Variants in MRO observed in about 807,000 individuals in gnomAD.
The protein encoded by MRO is protein maestro.
MRO carries 28 observed loss-of-function variants against 31.0 expected under a neutral mutation model. The ratio of observed to expected loss-of-function variants is 0.90; its 90% CI spans 0.67 to 1.24. MRO has a LOEUF of 1.24. MRO is among the 50% of genes most tolerant of loss of function. MRO has a pLI of 0.00. For missense variants in MRO, 332 were observed against 289.2 expected (o/e 1.15, Z -1.07); for synonymous variants, 108 against 108.4 (o/e 1.00, Z 0.02).
chr18:50,806,531 G>A (rs545782877), intron 4 of MRO, among the ~76,000 whole-genome samples, 173 bp downstream of exon 4: 7 of 152,258 alleles, frequency 4.6e-5, no homozygotes, highest in South Asian at 2.1e-4. Flanking sequence ...CCTGACCCGC[G>A]AAAACCCGAG....
At chr18:50,805,880 GA>G (rs1568128750) in intron 4 of MRO, among the ~76,000 whole-genome samples, 1 of 152,030 alleles carries the variant, frequency 6.6e-6, no homozygotes, top group Non-Finnish European at 1.5e-5. Context: ...CACCCTGAAT[GA>G]GTCTCCTCCC....
At chr18:50,815,131 G>T in intron 2 of MRO, 1 of 220,352 alleles carries the variant, frequency 4.5e-6, no homozygotes, top group South Asian at 7.5e-5. Context: ...ATTTGCTCTT[G>T]TAACTTTTGA....
intron 2 of MRO, among the ~76,000 whole-genome samples, chr18:50,810,685 C>T (rs1914401807): frequency 1.3e-5 from 2 of 152,142 alleles, no homozygotes; most frequent in Admixed American, 6.5e-5. Context: ...TTGGGTCCAA[C>T]TAGTACAAAC....
chr18:50,821,060 A>G (rs1218275183), upstream of MRO, among the ~76,000 whole-genome samples: 1 of 152,232 alleles, frequency 6.6e-6, no homozygotes, highest in Non-Finnish European at 1.5e-5. Flanking sequence ...CTATGAGGAA[A>G]GAGGAAATTG....
chr18:50,800,752 G>A (rs770219772), intron 6 of MRO, among the ~76,000 whole-genome samples: 1 of 151,968 alleles, frequency 6.6e-6, no homozygotes, highest in African/African-American at 2.4e-5. Flanking sequence ...AGGGCGTGGT[G>A]GTGGGCACCT....
At chr18:50,808,457 CT>C (rs56936277) in intron 3 of MRO, among the ~76,000 whole-genome samples, 53 of 142,652 alleles carry the variant, frequency 3.7e-4, no homozygotes, top group South Asian at 6.8e-4. Context: ...TTTATCTTAT[CT>C]TTTTTTTTTT....
intron 5 of MRO, among the ~76,000 whole-genome samples, chr18:50,801,934 A>G (rs535417429): frequency 3.3e-5 from 5 of 152,282 alleles, no homozygotes; most frequent in South Asian, 4.1e-4. Context: ...TTTCCTCCCC[A>G]CAAGCTAATA....
Position 50,806,802 on chromosome 18 carries a change from A to C in MRO, c.148T>G (p.Phe50Val). Reference protein sequence around the residue: ...FQKREPLKNVFFILAERARDP... With the variant: ...FQKREPLKNVVFILAERARDP... ...CGAGCTCTTTCTGCCAAGATGAAAA[A>C]CACATTCTTCAGAGGCTCCCGCTTC... Residue 50 changes from phenylalanine (F) to valine (V), a missense_variant, in exon 4 of 8, where the codon TTT (phenylalanine) becomes GTT (valine). Transcript: ENST00000398439. The C allele has an allele frequency of 6.2e-7, 1 of 1,614,070 alleles. No homozygotes were observed. The highest frequency in any genetic ancestry group is 8.5e-7 in the Non-Finnish European group (1 of 1,180,018).
intron 3 of MRO, among the ~76,000 whole-genome samples, chr18:50,808,107 A>G (rs1914117665): frequency 6.6e-6 from 1 of 152,046 alleles, no homozygotes; most frequent in Non-Finnish European, 1.5e-5. Context: ...AAACAAACAA[A>G]CACAAACACC....
chr18:50,812,474 T>G (rs1268195015), intron 2 of MRO, among the ~76,000 whole-genome samples: 1 of 152,224 alleles, frequency 6.6e-6, no homozygotes, highest in African/African-American at 2.4e-5. Context: ...CTTTTCACTT[T>G]CTGGATAACG....
intron 2 of MRO, chr18:50,815,143 G>T: frequency 4.6e-6 from 1 of 215,088 alleles, no homozygotes; most frequent in South Asian, 8.0e-5. Flanking sequence ...AACTTTTGAT[G>T]ATCATGAAAC....
At chr18:50,804,877 C>T (rs1913753472) in intron 5 of MRO, among the ~76,000 whole-genome samples, 1 of 151,876 alleles carries the variant, frequency 6.6e-6, no homozygotes, top group Non-Finnish European at 1.5e-5. Flanking sequence ...CTGCAACCTC[C>T]ACCTCCCAAG....
At chr18:50,810,029 G>A (rs1914331582) in intron 2 of MRO, among the ~76,000 whole-genome samples, 1 of 152,178 alleles carries the variant, frequency 6.6e-6, no homozygotes, top group African/African-American at 2.4e-5. Context: ...GCAGTGGCAG[G>A]AACACAGCTC....
chr18:50,805,665 C>T (rs1428097287), intron 4 of MRO, among the ~76,000 whole-genome samples: 1 of 151,768 alleles, frequency 6.6e-6, no homozygotes. Context: ...GGGGAGGAGA[C>T]AAAATGGACA....
chr18:50,800,489 C>T (rs75190539), intron 6 of MRO, among the ~76,000 whole-genome samples: 106 of 152,330 alleles, frequency 7.0e-4, no homozygotes, highest in African/African-American at 2.4e-3. Flanking sequence ...TGTTTTGAAA[C>T]GTTCACCAAG....
chr18:50,811,188 A>G (rs926186949), intron 2 of MRO, among the ~76,000 whole-genome samples: 15 of 152,324 alleles, frequency 9.8e-5, no homozygotes, highest in African/African-American at 3.1e-4. Flanking sequence ...GCTTGATTTC[A>G]ATTGTACTTT....
chr18:50,801,910 A>G (rs546732130), intron 5 of MRO, among the ~76,000 whole-genome samples: 1 of 152,330 alleles, frequency 6.6e-6, no homozygotes, highest in East Asian at 1.9e-4. Context: ...ACTCCTCTCC[A>G]TCAGCCACCA....
chr18:50,799,879 T>C (rs1039208582), intron 7 of MRO, among the ~76,000 whole-genome samples, 157 bp downstream of exon 7: 1 of 152,156 alleles, frequency 6.6e-6, no homozygotes, highest in East Asian at 1.9e-4. Context: ...CCACTGCACT[T>C]GCTCTTCTCA....
At chr18:50,813,210 A>G (rs1914612679) in intron 2 of MRO, among the ~76,000 whole-genome samples, 3 of 152,126 alleles carry the variant, frequency 2.0e-5, no homozygotes, top group Admixed American at 2.0e-4. Context: ...GGTCCATGAA[A>G]ACACTCCCTC....
Sources: allele counts gnomAD v4.1 joint callset (sites outside exome capture counted in the v4.1 genomes callset), GRCh38; gene constraint gnomAD v4.1.1; transcripts MANE v1.5; gene names NCBI Gene and HGNC (gene_info 2026-07-23, HGNC 2026-07-21).